Variants in SRBD1 observed in about 807,000 individuals in gnomAD.
The protein encoded by SRBD1 is S1 RNA binding domain 1, also known as S1 RNA-binding domain-containing protein 1.
In SRBD1, 88 loss-of-function variants were observed where a neutral mutation model predicts 115.3. That is an observed-to-expected ratio of 0.76 (90% confidence interval 0.64 to 0.91). The LOEUF (loss-of-function observed/expected upper bound fraction) is 0.91. Among genes scored for constraint, SRBD1 ranks in the 40% least tolerant of loss-of-function variants. The probability of loss-of-function intolerance (pLI) is 0.00; values close to 1 mark genes in which losing one functional copy is unlikely to be tolerated. For missense variants in SRBD1, 1,385 were observed against 1,177.4 expected (o/e 1.18, Z -2.58); for synonymous variants, 509 against 407.7 (o/e 1.25, Z -2.99).
Position 45,413,309 on chromosome 2 carries a change from A to T in SRBD1, c.2334-16T>A, listed in dbSNP as rs1180165689. The T allele has an allele frequency of 1.3e-6, 2 of 1,598,736 alleles. No individual in the cohort carries two copies. The highest frequency in any genetic ancestry group is 1.8e-5 in the Admixed American group (1 of 55,524). ...AGTTTGCTGACTATATAAAACCAGA[A>T]AAAACCACATTTATGAAAAGGGGAA... On this transcript the variant is annotated splice_polypyrimidine_tract_variant and intron_variant, in intron 18 of 20. Coordinates refer to ENST00000263736, the MANE Select transcript of SRBD1 (RefSeq NM_018079.5).
chr2:45,560,214 T>A (rs1672618035), intron 10 of SRBD1, among the ~76,000 whole-genome samples: 1 of 152,160 alleles, frequency 6.6e-6, no homozygotes, highest in Admixed American at 6.5e-5. Flanking sequence ...ATTGGAGAAC[T>A]AAATAAAATA....
At chr2:45,462,616 A>G (rs1669350801) in intron 16 of SRBD1, among the ~76,000 whole-genome samples, 1 of 151,580 alleles carries the variant, frequency 6.6e-6, no homozygotes, top group African/African-American at 2.4e-5. Flanking sequence ...GATCGAAACC[A>G]TCCTGGCCAA....
Position 45,410,343 on chromosome 2 carries a change from T to A in SRBD1, c.2513+2771A>T, listed in dbSNP as rs537015383. 2.6e-5 allele frequency among the ~76,000 whole-genome samples: 4 copies of A among 152,302 alleles called. No homozygotes were observed. The East Asian group carries it at 5.8e-4, about 22-fold the overall frequency. ...GAGTTCCAAGAAAACTGAACTTTCATCTACCTCATGACTTATCAATTCCTC... is the reference window on the plus strand; with the variant it reads ...GAGTTCCAAGAAAACTGAACTTTCAACTACCTCATGACTTATCAATTCCTC... On this transcript the variant is annotated intron_variant, in intron 19 of 20. Coordinates refer to ENST00000263736, the MANE Select transcript of SRBD1 (RefSeq NM_018079.5).
At chr2:45,575,272 G>C (rs1279266050) in intron 7 of SRBD1, among the ~76,000 whole-genome samples, 2 of 152,164 alleles carry the variant, frequency 1.3e-5, no homozygotes, top group African/African-American at 4.8e-5. Flanking sequence ...CACAAAACAA[G>C]AGTTTTCATG....
chr2:45,449,534 CTGGATATGTA>C (rs1321343558), intron 16 of SRBD1, among the ~76,000 whole-genome samples: 2 of 152,032 alleles, frequency 1.3e-5, no homozygotes, highest in African/African-American at 4.8e-5. Context: ...CTCTGAAATC[CTGGATATGTA>C]TGGTTTTATT....
At chr2:45,522,500 A>C (rs1436315208) in intron 14 of SRBD1, among the ~76,000 whole-genome samples, 1 of 152,186 alleles carries the variant, frequency 6.6e-6, no homozygotes, top group Non-Finnish European at 1.5e-5. Flanking sequence ...GAGCACAAAC[A>C]TGATACTCAA....
intron 19 of SRBD1, among the ~76,000 whole-genome samples, chr2:45,401,323 T>G (rs1372964976): frequency 6.6e-6 from 1 of 152,164 alleles, no homozygotes; most frequent in Non-Finnish European, 1.5e-5. Flanking sequence ...CCACTTAACA[T>G]TTTTATATTT....
chr2:45,589,485 G>A (rs1012928674), intron 4 of SRBD1, among the ~76,000 whole-genome samples: 5 of 152,292 alleles, frequency 3.3e-5, no homozygotes, highest in East Asian at 1.9e-4. Context: ...AGGTGGAAAC[G>A]ACAGGAATGC....
chr2:45,479,922 G>C (rs13015575), intron 15 of SRBD1, among the ~76,000 whole-genome samples: 19,068 of 152,160 alleles, frequency 0.13, 1,256 homozygotes, highest in East Asian at 0.19. Flanking sequence ...CTGAAGTCAA[G>C]GCTCATTTGC....
intron 15 of SRBD1, 126 bp from the exon 16 acceptor site, chr2:45,477,201 G>T: frequency 3.0e-6 from 2 of 671,450 alleles, no homozygotes; most frequent in Admixed American, 6.3e-5. Flanking sequence ...CTCTAAAAAA[G>T]GCCAACAATT....
rs188616973 is a variant in SRBD1, at chr2:45,535,290, C to T, written c.1874+11442G>A. 7.1e-4 allele frequency among the ~76,000 whole-genome samples: 108 copies of T among 151,682 alleles called. 1 individual carries two copies. The highest frequency in any genetic ancestry group is 3.3e-3 in the Admixed American group (50 of 15,262). ...AGACTATCAATAGCTGTGCTGAGGTCCAGATGTTTCTACCAGTCTAATTTT... is the reference window on the plus strand; with the variant it reads ...AGACTATCAATAGCTGTGCTGAGGTTCAGATGTTTCTACCAGTCTAATTTT... On this transcript the variant is annotated intron_variant, in intron 14 of 20. Coordinates refer to ENST00000263736, the MANE Select transcript of SRBD1 (RefSeq NM_018079.5).
At chr2:45,501,679 G>A (rs974712334) in intron 14 of SRBD1, among the ~76,000 whole-genome samples, 1 of 152,184 alleles carries the variant, frequency 6.6e-6, no homozygotes, top group Non-Finnish European at 1.5e-5. Context: ...CACCCACAGA[G>A]CCTTGCTCAT....
intron 14 of SRBD1, among the ~76,000 whole-genome samples, chr2:45,540,613 G>A (rs1458493696): frequency 1.3e-5 from 2 of 152,052 alleles, no homozygotes; most frequent in African/African-American, 4.8e-5. Flanking sequence ...AAATGTTTAT[G>A]AAACATATAC....
At chr2:45,426,911 T>G (rs13026123) in intron 16 of SRBD1, among the ~76,000 whole-genome samples, 1 of 152,076 alleles carries the variant, frequency 6.6e-6, no homozygotes, top group Non-Finnish European at 1.5e-5. Flanking sequence ...ACAAAAAGGC[T>G]GAAAATTCCA....
intron 16 of SRBD1, among the ~76,000 whole-genome samples, chr2:45,453,858 T>C (rs756348662): frequency 6.6e-6 from 1 of 152,014 alleles, no homozygotes; most frequent in Non-Finnish European, 1.5e-5. Context: ...TTTTTAAAGA[T>C]TCTTCTGCTC....
chr2:45,434,466 T>C (rs185637728), intron 16 of SRBD1, among the ~76,000 whole-genome samples: 382 of 152,324 alleles, frequency 2.5e-3, no homozygotes, highest in Non-Finnish European at 4.8e-3. Flanking sequence ...ACCTTAACAT[T>C]TGGCAAACAA....
Position 45,488,316 on chromosome 2 carries a change from T to C in SRBD1, c.1890A>G (p.Ala630=), listed in dbSNP as rs772818582. The C allele has an allele frequency of 2.5e-6, 4 of 1,613,826 alleles. No individual in the cohort carries two copies. In the South Asian group the frequency reaches 4.4e-5, roughly 18 times the overall value. ...LDVVYCIVSE[A]GASIYSVSPE... ...GGCTGACACTGTAGATTGATGCTCC[T>C]GCTTCACTGACGATACTGAGAAGAC... is the stretch of plus-strand genomic sequence containing the variant. The change falls in exon 15 of 21, where the codon GCA becomes GCG. Residue 630 remains alanine (A), a synonymous_variant. Transcript: ENST00000263736.
chr2:45,425,292 A>G (rs912626323), intron 16 of SRBD1, among the ~76,000 whole-genome samples: 1 of 152,246 alleles, frequency 6.6e-6, no homozygotes, highest in African/African-American at 2.4e-5. Context: ...GCTTTATAAT[A>G]GCACGTAACT....
intron 14 of SRBD1, among the ~76,000 whole-genome samples, chr2:45,539,595 A>T (rs1250887060): frequency 6.6e-6 from 1 of 152,216 alleles, no homozygotes; most frequent in Non-Finnish European, 1.5e-5. Context: ...ACTGATGAGA[A>T]TATGGAACTA....
Sources: allele counts gnomAD v4.1 joint callset (sites outside exome capture counted in the v4.1 genomes callset), GRCh38; gene constraint gnomAD v4.1.1; transcripts MANE v1.5; gene names NCBI Gene and HGNC (gene_info 2026-07-23, HGNC 2026-07-21).